The following DLEC1 variants were observed in gnomAD, a reference collection of about 807,000 sequenced individuals.
The protein encoded by DLEC1 is DLEC1 cilia and flagella associated protein, also known as deleted in lung and esophageal cancer protein 1.
DLEC1 carries 146 observed loss-of-function variants against 198.1 expected under a neutral mutation model. The ratio of observed to expected loss-of-function variants is 0.74; its 90% CI spans 0.64 to 0.85. The LOEUF (loss-of-function observed/expected upper bound fraction) is 0.85, where lower values mean the gene tolerates loss of function less well. DLEC1 is among the 40% of genes least tolerant of loss of function. The pLI, the probability that DLEC1 is intolerant of heterozygous loss-of-function variation, is 0.00. For missense variants in DLEC1, 2,233 were observed against 2,220.0 expected (o/e 1.01, Z -0.12); for synonymous variants, 897 against 866.8 (o/e 1.03, Z -0.61).
chr3:38,049,180 T>C (rs1004377868), intron 2 of DLEC1, among the ~76,000 whole-genome samples: 5 of 152,170 alleles, frequency 3.3e-5, no homozygotes, highest in East Asian at 1.9e-4. Flanking sequence ...AAGAATGATA[T>C]TAAGTTCTAA....
Position 38,117,860 on chromosome 3 carries a change from A to C in DLEC1, c.4540A>C (p.Ile1514Leu). The C allele has an allele frequency of 6.2e-7, 1 of 1,614,084 alleles. No homozygotes were observed. The highest frequency in any genetic ancestry group is 8.5e-7 in the Non-Finnish European group (1 of 1,180,006). The change falls in exon 33 of 37, where the codon ATC becomes CTC. Residue 1514 changes from isoleucine to leucine, a missense_variant. Transcript: ENST00000308059. ...HHLKLTNTTE[I>L]PHYFRLMVSR... Reference sequence around the variant, plus strand: ...CCTGAAGCTGACCAACACTACAGAGATCCCACACTACTTCCGGCTTATGGT... The same window carrying C: ...CCTGAAGCTGACCAACACTACAGAGCTCCCACACTACTTCCGGCTTATGGT...
chr3:38,098,594 G>C (rs1699152799), intron 18 of DLEC1, among the ~76,000 whole-genome samples: 1 of 152,096 alleles, frequency 6.6e-6, no homozygotes, highest in Non-Finnish European at 1.5e-5. Context: ...GCCATGTCTG[G>C]TGACCACACT....
chr3:38,116,940 A>G lies in DLEC1; in HGVS notation c.4180-35A>G, dbSNP rs370073881. On this transcript the variant is annotated intron_variant, in intron 29 of 36. Coordinates refer to ENST00000308059, the MANE Select transcript of DLEC1 (RefSeq NM_007335.4). ...TGTCTGCATTGGCCGGCCAGTGGGCATGGGACAGTGCTAAGGCTGCTGTGT... is the reference window on the plus strand; with the variant it reads ...TGTCTGCATTGGCCGGCCAGTGGGCGTGGGACAGTGCTAAGGCTGCTGTGT... 3.0e-4 allele frequency: 479 copies of G among 1,612,678 alleles called. 1 individual carries two copies. Among genetic ancestry groups the G allele is most frequent in the Non-Finnish European group, 3.9e-4 (464 of 1,179,370 alleles).
chr3:38,068,763 TG>T (rs1697165375), intron 6 of DLEC1, among the ~76,000 whole-genome samples: 1 of 152,212 alleles, frequency 6.6e-6, no homozygotes, highest in Non-Finnish European at 1.5e-5. Flanking sequence ...ATTGAATTAT[TG>T]ATAAGCACAA....
intron 18 of DLEC1, 59 bp downstream of exon 18, chr3:38,097,961 C>T: frequency 6.2e-7 from 1 of 1,603,166 alleles, no homozygotes; most frequent in Non-Finnish European, 8.5e-7. Context: ...TTAGCTTGCC[C>T]TGGTGAAACT....
chr3:38,085,770 A>C (rs1698421488), intron 8 of DLEC1, among the ~76,000 whole-genome samples: 1 of 152,158 alleles, frequency 6.6e-6, no homozygotes, highest in Non-Finnish European at 1.5e-5. Context: ...GGCAAGGAAG[A>C]AGTGCCTGTG....
chr3:38,076,806 A>G (rs1240307416), intron 6 of DLEC1, among the ~76,000 whole-genome samples: 1 of 152,282 alleles, frequency 6.6e-6, no homozygotes, highest in Admixed American at 6.5e-5. Context: ...GACAGCAAAA[A>G]TTTTGGGGGA....
At position 38,092,773 on chromosome 3, in the gene DLEC1, A is replaced by G. The variant is rs750100482; in HGVS notation, c.1666-17A>G. 1.2e-6 allele frequency: 2 copies of G among 1,611,618 alleles called. No individual in the cohort carries two copies. The highest frequency in any genetic ancestry group is 4.5e-5 in the East Asian group (2 of 44,850). On this transcript the variant is annotated splice_polypyrimidine_tract_variant and intron_variant, in intron 10 of 36. Coordinates refer to ENST00000308059, the MANE Select transcript of DLEC1 (RefSeq NM_007335.4). ...CCCTTTAATGGGAGGTAACGGAACA[A>G]CCCTTCTCTCCCCCAGGTCTTGTTT...
At chr3:38,048,130 G>A (rs1259670677) in intron 2 of DLEC1, among the ~76,000 whole-genome samples, 1 of 152,178 alleles carries the variant, frequency 6.6e-6, no homozygotes, top group Non-Finnish European at 1.5e-5. Context: ...GTTGACTGCT[G>A]ATTCATTTGA....
chr3:38,092,124 A>G (rs1559438470), intron 10 of DLEC1, among the ~76,000 whole-genome samples: 2 of 152,244 alleles, frequency 1.3e-5, no homozygotes, highest in Non-Finnish European at 2.9e-5. Flanking sequence ...TCATTGTGTC[A>G]TTCACAATAG....
At chr3:38,062,444 T>TG (rs1696741080) in intron 4 of DLEC1, 76 bp downstream of exon 4, 3 of 1,591,556 alleles carry the variant, frequency 1.9e-6, no homozygotes, top group Admixed American at 1.7e-5. Context: ...TCAGATGACA[T>TG]GAGAAGCTGT....
At chr3:38,050,873 CT>C (rs1701081609) in intron 2 of DLEC1, among the ~76,000 whole-genome samples, 1 of 151,994 alleles carries the variant, frequency 6.6e-6, no homozygotes, top group African/African-American at 2.4e-5. Flanking sequence ...CATGTCTTCA[CT>C]GATAGGTTGG....
intron 6 of DLEC1, among the ~76,000 whole-genome samples, chr3:38,064,900 G>A (rs568232522): frequency 2.0e-5 from 3 of 152,046 alleles, no homozygotes; most frequent in Admixed American, 6.5e-5. Context: ...GACGATGGGC[G>A]GCCAGGCAGA....
At chr3:38,055,246 G>A (rs1171670697) in intron 2 of DLEC1, among the ~76,000 whole-genome samples, 1 of 152,166 alleles carries the variant, frequency 6.6e-6, no homozygotes, top group Non-Finnish European at 1.5e-5. Context: ...AGTGACAGTG[G>A]CCAGGAATTT....
rs988112963 is a variant in DLEC1 at position 38,112,243 on chromosome 3, G to C, written c.3548G>C (p.Gly1183Ala). 6.2e-7 allele frequency: 1 copy of C among 1,614,066 alleles called. No homozygotes were observed. Among genetic ancestry groups the C allele is most frequent in the African/African-American group, 1.3e-5 (1 of 74,922 alleles). The change falls in exon 25 of 37, where the codon GGA becomes GCA. Residue 1183 changes from glycine (G) to alanine (A), a missense_variant. Gly to Ala is a moderately conservative substitution (Grantham distance 60). Transcript: ENST00000308059. This position sits in a 1 kb window ranked among gnomAD's most constrained non-coding sequence, Gnocchi z 4.8. The stretch of plus-strand genomic sequence containing the variant: ...GAGAGCATGCTATCCCACGGGAAAG[G>C]AGCTGCTTTCTTCCCTCACTTTTCC... ...FMESMLSHGK[G>A]AAFFPHFSQG...
Position 38,058,773 on chromosome 3 carries a change from A to G in DLEC1, c.563-969A>G, listed in dbSNP as rs182900970. 4.3e-3 allele frequency among the ~76,000 whole-genome samples: 653 copies of G among 152,118 alleles called. 2 individuals carry two copies. The highest frequency in any genetic ancestry group is 7.3e-3 in the Non-Finnish European group (493 of 67,996). On this transcript the variant is annotated intron_variant, in intron 2 of 36. Transcript: ENST00000308059. ...TAGGTTCTTCAGTAGTAACAAATGT[A>G]TCTCTCTAGTGGGGGACGTTGATAA...
rs1698211967 is a variant in DLEC1, at chr3:38,084,057, T to C, written c.1174-101T>C. 6 of 1,193,302 alleles carry C rather than the reference T, an allele frequency of 5.0e-6. No homozygotes were observed. The South Asian group carries it at 7.7e-5, about 15-fold the overall frequency. 73.9% of individuals were successfully genotyped at this position (1,193,302 alleles called of 1,614,324 possible). A position where few individuals can be genotyped will look rare whatever the true frequency, so the allele number is the denominator to read the frequency against. On this transcript the variant is annotated intron_variant, in intron 6 of 36. Coordinates refer to ENST00000308059, the MANE Select transcript of DLEC1 (RefSeq NM_007335.4). ...AACATGTGGCCAAGCCTATTTCATT[T>C]CTACCTCTACCCCCTTCTCATATTA...
chr3:38,116,708 G>A lies in DLEC1; in HGVS notation c.4062+50G>A, dbSNP rs539919574. 3.7e-6 allele frequency: 6 copies of A among 1,609,940 alleles called. No homozygotes were observed. The South Asian group carries it at 4.4e-5, about 12-fold the overall frequency. ...CAGGCTGGCCACTGAGGGCCACTGA[G>A]GTGTGGCCAGTAGGCTAGTTGAACC... On this transcript the variant is annotated intron_variant, in intron 28 of 36. Coordinates refer to ENST00000308059, the MANE Select transcript of DLEC1 (RefSeq NM_007335.4).
chr3:38,051,464 G>A (rs542654135), intron 2 of DLEC1, among the ~76,000 whole-genome samples: 1 of 152,220 alleles, frequency 6.6e-6, no homozygotes, highest in Non-Finnish European at 1.5e-5. Flanking sequence ...TGGGGCCATC[G>A]AGGAGGACAT....
Sources: allele counts gnomAD v4.1 joint callset (sites outside exome capture counted in the v4.1 genomes callset), GRCh38; gene constraint gnomAD v4.1.1; non-coding constraint Gnocchi (gnomAD v3.1); transcripts MANE v1.5; gene names NCBI Gene and HGNC (gene_info 2026-07-23, HGNC 2026-07-21).